FAM83D: variants seen among roughly 807,000 people sequenced by gnomAD.
FAM83D encodes the protein scaffolding CK1 anchoring protein D.
FAM83D carries 26 observed loss-of-function variants against 25.4 expected under a neutral mutation model. The ratio of observed to expected loss-of-function variants is 1.02; its 90% CI spans 0.75 to 1.42. FAM83D has a LOEUF of 1.42. Ranked by LOEUF, FAM83D falls within the 40% of genes most tolerant of loss-of-function variation. The pLI is 0.00. For missense variants in FAM83D, 740 were observed against 758.1 expected, an observed-to-expected ratio of 0.98 and a Z score of 0.28; for synonymous variants, 310 against 318.5, an observed-to-expected ratio of 0.97 and a Z score of 0.28.
chr20:38,934,412 G>C (rs2085670251), intron 1 of FAM83D, among the ~76,000 whole-genome samples: 1 of 149,630 alleles, frequency 6.7e-6, no homozygotes, highest in Admixed American at 6.8e-5. Context: ...AGAATAGCTT[G>C]AACCTGGGAG....
Position 38,926,662 on chromosome 20 carries a change from A to G in FAM83D, c.220A>G (p.Arg74Gly). The G allele has an allele frequency of 1.3e-6, 2 of 1,531,180 alleles. No individual in the cohort carries two copies. The highest frequency in any genetic ancestry group is 1.7e-6 in the Non-Finnish European group (2 of 1,144,900). The allele number at this position is 1,531,180 out of a possible 1,614,324, so 94.8% of individuals were successfully genotyped here. The change falls in exon 1 of 4, where the codon AGG (arginine) becomes GGG (glycine). Residue 74 changes from arginine to glycine, a missense_variant. Arg to Gly is a moderately radical substitution (Grantham distance 125, BLOSUM62 -2). Around this residue, in one of 3 missense-constraint regions of FAM83D, gnomAD observed 333 missense variants for 298.6 expected, o/e 1.12. Transcript: ENST00000619850. Reference protein sequence around the residue: ...EVHAILRAAERPGEEGAAAAA... With the variant: ...EVHAILRAAEGPGEEGAAAAA... ...GCACGCCATTCTGCGCGCGGCGGAGAGGCCGGGAGAGGAGGGCGCGGCGGC... is the reference window on the plus strand; with the variant it reads ...GCACGCCATTCTGCGCGCGGCGGAGGGGCCGGGAGAGGAGGGCGCGGCGGC...
intron 2 of FAM83D, among the ~76,000 whole-genome samples, 168 bp from the exon 3 acceptor site, chr20:38,947,708 C>T (rs562802222): frequency 6.6e-6 from 1 of 152,330 alleles, no homozygotes; most frequent in East Asian, 1.9e-4. Flanking sequence ...TGAGAACTGT[C>T]TGGCTAGTGT....
In FAM83D at chr20:38,926,944, CCCT is replaced by C. The variant is rs1025846133; in HGVS notation, c.483+20_483+22del. ...GCGAGAGGTGAGCGGCCCTCCAGGG[CCCT>C]GGGTCGCACGGGAGACCCCCTTCAA... is the stretch of plus-strand genomic sequence containing the variant. On this transcript the variant is annotated intron_variant, in intron 1 of 3. Coordinates refer to ENST00000619850, the MANE Select transcript of FAM83D (RefSeq NM_030919.3). The C allele has an allele frequency of 2.1e-6, 3 of 1,419,704 alleles. No homozygotes were observed. In the African/African-American group the frequency reaches 4.5e-5, roughly 21 times the overall value. 87.9% of individuals were successfully genotyped at this position (1,419,704 alleles called of 1,614,324 possible).
At chr20:38,938,778 G>A (rs1473063511) in intron 1 of FAM83D, among the ~76,000 whole-genome samples, 16 of 151,704 alleles carry the variant, frequency 1.1e-4, no homozygotes, top group African/African-American at 3.6e-4. Context: ...TGCTTCTGCC[G>A]TGCTACTGAT....
At chr20:38,941,666 T>A (rs1413120938) in intron 1 of FAM83D, among the ~76,000 whole-genome samples, 2 of 152,166 alleles carry the variant, frequency 1.3e-5, no homozygotes, top group African/African-American at 4.8e-5. Flanking sequence ...TGGAGCAGGT[T>A]CATAAGAGAG....
At chr20:38,930,022 C>G (rs1343545874) in intron 1 of FAM83D, among the ~76,000 whole-genome samples, 1 of 152,156 alleles carries the variant, frequency 6.6e-6, no homozygotes, top group Non-Finnish European at 1.5e-5. Flanking sequence ...GGTTCAGGAG[C>G]CTGTGCTCAG....
intron 2 of FAM83D, among the ~76,000 whole-genome samples, chr20:38,943,404 C>A (rs993122296): frequency 6.6e-6 from 1 of 152,110 alleles, no homozygotes; most frequent in Non-Finnish European, 1.5e-5. Flanking sequence ...GTGTTTTAGA[C>A]CAGGAAATAG....
chr20:38,948,580 G>A (rs2085739718), intron 3 of FAM83D, among the ~76,000 whole-genome samples: 1 of 152,232 alleles, frequency 6.6e-6, no homozygotes, highest in South Asian at 2.1e-4. Context: ...AAGAGAGGGT[G>A]GGGATAATGA....
Position 38,947,959 on chromosome 20 carries a change from C to T in FAM83D, c.735C>T (p.Phe245=), listed in dbSNP as rs1262898182. ...TKIIGKVHEK[F]TLIDGIRVAT... ...TTATTGGGAAGGTTCACGAAAAGTT[C>T]ACGTTGATTGATGGCATCCGCGTGG... Residue 245 remains phenylalanine, a synonymous_variant, in exon 3 of 4, where the codon TTC becomes TTT. Coordinates refer to ENST00000619850, the MANE Select transcript of FAM83D (RefSeq NM_030919.3). 1.2e-6 allele frequency: 2 copies of T among 1,614,054 alleles called. No homozygotes were observed. The highest frequency in any genetic ancestry group is 1.6e-4 in the Middle Eastern group (1 of 6,084).
Position 38,942,066 on chromosome 20 carries a change from TCTC to T in FAM83D, c.595_597del (p.Leu199del). 1 of 1,614,180 alleles carries T rather than the reference TCTC, an allele frequency of 6.2e-7. No homozygotes were observed. Among genetic ancestry groups the T allele is most frequent in the Non-Finnish European group, 8.5e-7 (1 of 1,180,036 alleles). On this transcript the variant is annotated inframe_deletion, in exon 2 of 4. Coordinates refer to ENST00000619850, the MANE Select transcript of FAM83D (RefSeq NM_030919.3). Reference sequence around the variant, plus strand: ...CTGTGTATATCCTTCTGGACCAGGCTCTCCTCTCTCAATTTCTGGATATGTGCA... The same window carrying T: ...CTGTGTATATCCTTCTGGACCAGGCTCTCTCTCAATTTCTGGATATGTGCA...
intron 1 of FAM83D, among the ~76,000 whole-genome samples, chr20:38,939,077 C>T (rs1391167079): frequency 1.3e-5 from 2 of 152,190 alleles, no homozygotes; most frequent in African/African-American, 2.4e-5. Flanking sequence ...AGTCATGTCC[C>T]GTGGCTCCCT....
At chr20:38,927,066 G>A in intron 1 of FAM83D, 141 bp downstream of exon 1, 1 of 1,354,952 alleles carries the variant, frequency 7.4e-7, no homozygotes, top group Non-Finnish European at 9.5e-7. Flanking sequence ...TGGTCCCAGG[G>A]TCTCCGACTC....
In FAM83D at chr20:38,926,451, G is replaced by A. The variant is rs764449159; in HGVS notation, c.9G>A (p.Leu3=). The A allele has an allele frequency of 6.3e-7, 1 of 1,598,750 alleles. No individual in the cohort carries two copies. The highest frequency in any genetic ancestry group is 1.1e-5 in the South Asian group (1 of 90,954). The change falls in exon 1 of 4, where the codon CTG becomes CTA. Residue 3 remains leucine, a synonymous_variant. Transcript: ENST00000619850. Reference sequence around the variant, plus strand: ...CGAGTCCGAGCGCCGCCATGGCTCTGCTGTCCGAGGGCCTGGACGAGGTGC... The same window carrying A: ...CGAGTCCGAGCGCCGCCATGGCTCTACTGTCCGAGGGCCTGGACGAGGTGC... MA[L]LSEGLDEVPA...
chr20:38,930,839 T>C (rs921223775), intron 1 of FAM83D, among the ~76,000 whole-genome samples: 9 of 152,288 alleles, frequency 5.9e-5, no homozygotes, highest in African/African-American at 1.9e-4. Flanking sequence ...GGTTTCGCCA[T>C]GTTGGCCAGG....
chr20:38,941,107 C>T (rs1287043199), intron 1 of FAM83D, among the ~76,000 whole-genome samples: 1 of 152,118 alleles, frequency 6.6e-6, no homozygotes, highest in Non-Finnish European at 1.5e-5. Context: ...AGAAGAAAGG[C>T]CTGTTCTGAG....
chr20:38,945,030 G>A (rs1195497720), intron 2 of FAM83D, among the ~76,000 whole-genome samples: 1 of 151,898 alleles, frequency 6.6e-6, no homozygotes, highest in African/African-American at 2.4e-5. Flanking sequence ...CTGGTTGCTT[G>A]TGTCTCCTGT....
At chr20:38,934,068 A>G (rs1052983356) in intron 1 of FAM83D, among the ~76,000 whole-genome samples, 2 of 151,888 alleles carry the variant, frequency 1.3e-5, no homozygotes, top group Admixed American at 6.6e-5. Context: ...GTCGGCCAGC[A>G]TGGTCTCAAG....
At chr20:38,935,301 C>A (rs374540031) in intron 1 of FAM83D, among the ~76,000 whole-genome samples, 2 of 152,204 alleles carry the variant, frequency 1.3e-5, no homozygotes, top group Admixed American at 6.5e-5. Flanking sequence ...GAAAAGCCCA[C>A]CTGCTTGTGT....
At chr20:38,935,567 C>T (rs1211873797) in intron 1 of FAM83D, among the ~76,000 whole-genome samples, 9 of 152,272 alleles carry the variant, frequency 5.9e-5, no homozygotes, top group Non-Finnish European at 8.8e-5. Context: ...CTCAGACTCC[C>T]GAGTAACTGG....
Sources: allele counts gnomAD v4.1 joint callset (sites outside exome capture counted in the v4.1 genomes callset), GRCh38; gene constraint gnomAD v4.1.1; regional missense constraint gnomAD v4.1.1; transcripts MANE v1.5; gene names NCBI Gene and HGNC (gene_info 2026-07-23, HGNC 2026-07-21).